Variants in CRACD observed in about 807,000 individuals in gnomAD.
CRACD encodes the protein capping protein inhibiting regulator of actin dynamics.
In CRACD, 56 loss-of-function variants were observed where a neutral mutation model predicts 106.8. That is an observed-to-expected ratio of 0.52 (90% CI 0.42 to 0.66). The LOEUF is 0.66. Among genes scored for constraint, CRACD ranks in the 30% least tolerant of loss-of-function variants. CRACD has a pLI of 0.00. For missense variants in CRACD, 1,730 were observed against 1,623.2 expected (o/e 1.07, Z -1.13); for synonymous variants, 754 against 670.8 (o/e 1.12, Z -1.92).
chr4:56,272,898 C>CA (rs11434095), intron 3 of CRACD, among the ~76,000 whole-genome samples: 84,795 of 124,790 alleles, frequency 0.68, 27,907 homozygotes, highest in African/African-American at 0.8. Flanking sequence ...GACTCTGCCT[C>CA]AAAAAAAAAA....
intron 1 of CRACD, among the ~76,000 whole-genome samples, chr4:56,063,292 C>A (rs1732345033): frequency 6.6e-6 from 1 of 151,934 alleles, no homozygotes; most frequent in South Asian, 2.1e-4. Flanking sequence ...CTCTTGGGCT[C>A]AAGTGACCTT....
Position 56,330,506 on chromosome 4 carries a change from A to C in CRACD, c.*2702A>C, listed in dbSNP as rs1305190519. On this transcript the variant is annotated 3_prime_UTR_variant, in exon 11 of 11. Transcript: ENST00000682029. ...AGTAGAGACTTAATGAAAATACCTTAGTGTGATTTTAATATAATTTGCATA... is the reference window on the plus strand; with the variant it reads ...AGTAGAGACTTAATGAAAATACCTTCGTGTGATTTTAATATAATTTGCATA... 1.3e-5 allele frequency among the ~76,000 whole-genome samples: 2 copies of C among 152,210 alleles called. No homozygotes were observed. The highest frequency in any genetic ancestry group is 2.9e-5 in the Non-Finnish European group (2 of 68,032).
rs1378606325 is a variant in CRACD, at chr4:56,129,423, G to A, written c.-335-49861G>A. ...GATTCTGAGAACACAAAGGCAAAAAGCCTTAGGGCCTCGTGTGAACTGGCT... is the reference window on the plus strand; with the variant it reads ...GATTCTGAGAACACAAAGGCAAAAAACCTTAGGGCCTCGTGTGAACTGGCT... On this transcript the variant is annotated intron_variant, in intron 1 of 10. Coordinates refer to ENST00000682029, the MANE Select transcript of CRACD (RefSeq NM_001393381.1). Among the ~76,000 whole-genome samples the A allele has an allele frequency of 9.8e-5, 15 of 152,338 alleles. No homozygotes were observed. The East Asian group carries it at 2.9e-3, about 29-fold the overall frequency.
intron 4 of CRACD, among the ~76,000 whole-genome samples, chr4:56,299,441 G>T (rs1412667460): frequency 6.6e-6 from 1 of 151,966 alleles, no homozygotes; most frequent in African/African-American, 2.4e-5. Context: ...AGGCCGAGGT[G>T]GGTGGACTGC....
At chr4:56,061,977 A>G (rs1732293849) in intron 1 of CRACD, among the ~76,000 whole-genome samples, 1 of 152,232 alleles carries the variant, frequency 6.6e-6, no homozygotes, top group Non-Finnish European at 1.5e-5. Flanking sequence ...TTTGCACTCC[A>G]TCTTTCAAAT....
intron 1 of CRACD, among the ~76,000 whole-genome samples, chr4:56,146,343 G>C (rs1410527927): frequency 6.6e-6 from 1 of 151,746 alleles, no homozygotes; most frequent in African/African-American, 2.4e-5. Flanking sequence ...GTATTTGTCT[G>C]ATATGTATTT....
chr4:56,306,606 C>T, intron 4 of CRACD, among the ~76,000 whole-genome samples: 1 of 152,186 alleles, frequency 6.6e-6, no homozygotes, highest in East Asian at 1.9e-4. Flanking sequence ...AACCCAAGGA[C>T]CTAGGTCTAG....
At chr4:56,189,131 T>C (rs1577724299) in intron 2 of CRACD, among the ~76,000 whole-genome samples, 1 of 150,960 alleles carries the variant, frequency 6.6e-6, no homozygotes, top group Non-Finnish European at 1.5e-5. Context: ...TGCAGTGAGC[T>C]AAGATAATGC....
At chr4:56,111,727 C>T (rs1367955290) in intron 1 of CRACD, among the ~76,000 whole-genome samples, 1 of 151,994 alleles carries the variant, frequency 6.6e-6, no homozygotes, top group Non-Finnish European at 1.5e-5. Flanking sequence ...TCCATGTTGG[C>T]CAGGCTGGTC....
At chr4:56,123,833 T>C (rs1734570659) in intron 1 of CRACD, among the ~76,000 whole-genome samples, 1 of 152,228 alleles carries the variant, frequency 6.6e-6, no homozygotes, top group South Asian at 2.1e-4. Flanking sequence ...ATTCAGTAAA[T>C]GGTTTCTGAA....
intron 1 of CRACD, among the ~76,000 whole-genome samples, chr4:56,089,696 T>C (rs1733352703): frequency 6.6e-6 from 1 of 151,878 alleles, no homozygotes; most frequent in African/African-American, 2.4e-5. Flanking sequence ...TATTTTTTAG[T>C]AGAGGCGGGA....
chr4:56,320,471 G>A (rs576155072), intron 8 of CRACD, among the ~76,000 whole-genome samples: 36 of 152,304 alleles, frequency 2.4e-4, no homozygotes, highest in African/African-American at 8.7e-4. Flanking sequence ...ACTGTAATAA[G>A]AGATTTTACT....
At chr4:56,132,905 A>G (rs1734876501) in intron 1 of CRACD, among the ~76,000 whole-genome samples, 1 of 152,370 alleles carries the variant, frequency 6.6e-6, no homozygotes, top group East Asian at 1.9e-4. Context: ...TATATCATAT[A>G]GTGCTACTTA....
At chr4:56,100,966 A>C (rs974544986) in intron 1 of CRACD, among the ~76,000 whole-genome samples, 27 of 152,332 alleles carry the variant, frequency 1.8e-4, no homozygotes, top group Middle Eastern at 3.4e-3. Context: ...CTTGGATTAA[A>C]TGTGATCTCT....
At chr4:56,061,315 C>T (rs554160423) in intron 1 of CRACD, among the ~76,000 whole-genome samples, 39 of 152,196 alleles carry the variant, frequency 2.6e-4, no homozygotes, top group African/African-American at 8.7e-4. Flanking sequence ...GGACTATAGG[C>T]GCTCACCACC....
chr4:56,124,906 C>T (rs1276489767), intron 1 of CRACD, among the ~76,000 whole-genome samples: 1 of 152,162 alleles, frequency 6.6e-6, no homozygotes, highest in Non-Finnish European at 1.5e-5. Context: ...CAAAAACCAG[C>T]TTGAGAATCC....
chr4:56,116,857 G>A (rs1306569280), intron 1 of CRACD, among the ~76,000 whole-genome samples: 9 of 151,476 alleles, frequency 5.9e-5, no homozygotes, highest in African/African-American at 1.9e-4. Flanking sequence ...ACAGGCGCAC[G>A]GCACCACGCC....
intron 1 of CRACD, among the ~76,000 whole-genome samples, chr4:56,167,437 A>G (rs1354161301): frequency 6.6e-6 from 1 of 152,204 alleles, no homozygotes; most frequent in South Asian, 2.1e-4. Flanking sequence ...GAATCAAGCT[A>G]ATTAACATAT....
At chr4:56,194,421 C>A (rs987817478) in intron 2 of CRACD, among the ~76,000 whole-genome samples, 1 of 152,164 alleles carries the variant, frequency 6.6e-6, no homozygotes, top group Admixed American at 6.5e-5. Flanking sequence ...GAATAAGGAA[C>A]AACTAACGTT....
Sources: allele counts gnomAD v4.1 joint callset (sites outside exome capture counted in the v4.1 genomes callset), GRCh38; gene constraint gnomAD v4.1.1; transcripts MANE v1.5; gene names NCBI Gene and HGNC (gene_info 2026-07-23, HGNC 2026-07-21).